Variants in ATG16L1 observed in about 807,000 individuals in gnomAD.
The protein encoded by ATG16L1 is autophagy-related protein 16-1.
In ATG16L1, 37 loss-of-function variants were observed where a neutral mutation model predicts 88.5. The ratio of observed to expected loss-of-function variants is 0.42; its 90% confidence interval spans 0.32 to 0.55. The LOEUF is 0.55. ATG16L1 is among the 20% of genes least tolerant of loss of function. ATG16L1 has a pLI of 0.13. For synonymous variants in ATG16L1, 301 were observed against 281.0 expected, an observed-to-expected ratio of 1.07 and a Z score of -0.71; for missense variants, 554 against 752.8, an observed-to-expected ratio of 0.74 and a Z score of 3.09.
chr2:233,255,275 A>G (rs1356598609), intron 1 of ATG16L1, among the ~76,000 whole-genome samples: 1 of 152,168 alleles, frequency 6.6e-6, no homozygotes, highest in African/African-American at 2.4e-5. Flanking sequence ...CTGTGTGCCT[A>G]TTACACTTAA....
At chr2:233,293,450 C>A in intron 17 of ATG16L1, 93 bp downstream of exon 17, 1 of 1,186,416 alleles carries the variant, frequency 8.4e-7, no homozygotes. Context: ...TCAGTCGGCG[C>A]TGTGAGGGCA....
At chr2:233,259,127 GA>G (rs1214617052) in intron 2 of ATG16L1, among the ~76,000 whole-genome samples, 1 of 152,172 alleles carries the variant, frequency 6.6e-6, no homozygotes, top group Non-Finnish European at 1.5e-5. Context: ...GGAGGCAGGA[GA>G]ACAGGTCTCA....
At chr2:233,274,138 C>T (rs1295913640) in intron 8 of ATG16L1, 16 of 1,292,292 alleles carry the variant, frequency 1.2e-5, no homozygotes, top group East Asian at 2.5e-5. Flanking sequence ...CAGATGTTCA[C>T]GTGCTAACGA....
At chr2:233,265,504 C>G (rs537582577) in intron 5 of ATG16L1, among the ~76,000 whole-genome samples, 4 of 152,286 alleles carry the variant, frequency 2.6e-5, no homozygotes, top group Non-Finnish European at 5.9e-5. Context: ...GAGTCTCGCT[C>G]TGTTGCCCAG....
chr2:233,253,678 AACTT>A (rs1029979549), intron 1 of ATG16L1, among the ~76,000 whole-genome samples: 2 of 152,086 alleles, frequency 1.3e-5, no homozygotes, highest in African/African-American at 4.8e-5. Flanking sequence ...CTTGATGACT[AACTT>A]TTGCATTTGC....
At chr2:233,251,991 A>G (rs1232127639) in intron 1 of ATG16L1, 49 bp downstream of exon 1, 2 of 1,438,852 alleles carry the variant, frequency 1.4e-6, no homozygotes, top group Non-Finnish European at 1.8e-6. Flanking sequence ...GGCCCCGCGG[A>G]GGCATGCGGG....
At position 233,270,637 on chromosome 2, in the gene ATG16L1, TTTTG is replaced by T. The variant is rs1015447738; in HGVS notation, c.707+578_707+581del. Among the ~76,000 whole-genome samples the T allele has an allele frequency of 9.9e-5, 15 of 152,284 alleles. No homozygotes were observed. The South Asian group carries it at 1.0e-3, about 11-fold the overall frequency. ...TGCGGTGGGGTTTTTGTTGTTGTTG[TTTTG>T]TTTGTTTTTTCCCTCCTTGCTCCCT... is the stretch of plus-strand genomic sequence containing the variant. On this transcript the variant is annotated intron_variant, in intron 6 of 17. Transcript: ENST00000392017.
intron 1 of ATG16L1, among the ~76,000 whole-genome samples, chr2:233,255,361 G>A (rs1309237896): frequency 6.6e-6 from 1 of 152,198 alleles, no homozygotes; most frequent in Admixed American, 6.5e-5. Context: ...TTTGGAAAGA[G>A]AACTCATTTC....
At chr2:233,282,563 G>T in intron 11 of ATG16L1, 119 bp from the exon 12 acceptor site, 1 of 863,102 alleles carries the variant, frequency 1.2e-6, no homozygotes, top group Non-Finnish European at 1.9e-6. Context: ...ATTCAGGCTG[G>T]TTGTATAGGG....
rs369850074 is a variant in ATG16L1, at chr2:233,277,592, G to A, written c.979G>A (p.Ala327Thr). 1.9e-6 allele frequency: 3 copies of A among 1,614,052 alleles called. No homozygotes were observed. Among genetic ancestry groups the A allele is most frequent in the South Asian group, 1.1e-5 (1 of 91,086 alleles). Residue 327 changes from alanine to threonine, a missense_variant, in exon 10 of 18, where the codon GCT becomes ACT. Physicochemically the swap from Ala to Thr is moderately conservative, Grantham distance 58. Coordinates refer to ENST00000392017, the MANE Select transcript of ATG16L1 (RefSeq NM_030803.7). ...GGATGCACATGATGGGGAAGTCAACGCTGTGCAGTTCAGTCCAGGTTCCCG... is the reference window on the plus strand; with the variant it reads ...GGATGCACATGATGGGGAAGTCAACACTGTGCAGTTCAGTCCAGGTTCCCG... The part of the protein sequence containing the change: ...VFDAHDGEVN[A>T]VQFSPGSRLL...
chr2:233,252,067 A>C, intron 1 of ATG16L1, 125 bp downstream of exon 1: 2 of 750,502 alleles, frequency 2.7e-6, no homozygotes, highest in South Asian at 2.3e-5. Context: ...GCCCCGGGTA[A>C]CCCGCGCTTG....
intron 5 of ATG16L1, among the ~76,000 whole-genome samples, chr2:233,265,424 CTTATATGAATATA>C (rs1697498503): frequency 6.6e-6 from 1 of 152,184 alleles, no homozygotes; most frequent in South Asian, 2.1e-4. Context: ...ATAATCCAAC[CTTATATGAATATA>C]GATGTGAAAT....
At chr2:233,278,431 A>G (rs528579247) in intron 10 of ATG16L1, among the ~76,000 whole-genome samples, 30 of 152,344 alleles carry the variant, frequency 2.0e-4, no homozygotes, top group African/African-American at 7.2e-4. Context: ...TGCGACACAC[A>G]CATTATCCCT....
intron 16 of ATG16L1, among the ~76,000 whole-genome samples, chr2:233,292,890 A>C (rs1219351077): frequency 6.6e-6 from 1 of 152,084 alleles, no homozygotes; most frequent in Non-Finnish European, 1.5e-5. Flanking sequence ...AGTTGCTAAG[A>C]TGTTTCTTTT....
chr2:233,251,964 T>G, intron 1 of ATG16L1, 22 bp downstream of exon 1: 1 of 1,514,662 alleles, frequency 6.6e-7, no homozygotes, highest in Non-Finnish European at 8.9e-7. Flanking sequence ...CGGTGCGGGC[T>G]GGGAGTGGGG....
rs577008175 is a variant in ATG16L1, at chr2:233,254,356, G to A, written c.116-1746G>A. On this transcript the variant is annotated intron_variant, in intron 1 of 17. Transcript: ENST00000392017. The stretch of plus-strand genomic sequence containing the variant: ...TGTTAAGATCTTCTGTTTAGGCAGA[G>A]GGATTGACATTTAGGGAGATCATTT... 5.6e-4 allele frequency among the ~76,000 whole-genome samples: 86 copies of A among 152,328 alleles called. No individual in the cohort carries two copies. In the South Asian group the frequency reaches 9.9e-3, roughly 18 times the overall value.
At chr2:233,276,783 C>A (rs748923482) in intron 9 of ATG16L1, among the ~76,000 whole-genome samples, 1 of 152,184 alleles carries the variant, frequency 6.6e-6, no homozygotes, top group Non-Finnish European at 1.5e-5. Flanking sequence ...AGCCAGGATG[C>A]TTTTTTACTT....
intron 3 of ATG16L1, 60 bp downstream of exon 3, chr2:233,263,295 G>A (rs576342312): frequency 3.2e-5 from 48 of 1,486,304 alleles, no homozygotes; most frequent in African/African-American, 1.7e-4. Flanking sequence ...TGTGGGGAGC[G>A]GGGGAGCTCA....
chr2:233,276,427 G>T (rs972324561), intron 9 of ATG16L1, among the ~76,000 whole-genome samples: 4 of 151,966 alleles, frequency 2.6e-5, no homozygotes, highest in African/African-American at 9.7e-5. Context: ...ATATTTTACT[G>T]CCCATAATCT....
Sources: allele counts gnomAD v4.1 joint callset (sites outside exome capture counted in the v4.1 genomes callset), GRCh38; gene constraint gnomAD v4.1.1; transcripts MANE v1.5; gene names NCBI Gene and HGNC (gene_info 2026-07-23, HGNC 2026-07-21).